Variants in RYR3 observed in about 807,000 individuals in gnomAD.
RYR3 encodes the protein ryanodine receptor 3, also known as brain ryanodine receptor-calcium release channel.
RYR3 carries 207 observed loss-of-function variants against 584.3 expected under a neutral mutation model. The ratio of observed to expected loss-of-function variants is 0.35; its 90% CI spans 0.32 to 0.40. The LOEUF (loss-of-function observed/expected upper bound fraction) is 0.40, where lower values mean the gene tolerates loss of function less well. Ranked by LOEUF, RYR3 falls within the 10% of genes least tolerant of loss-of-function variation. The pLI is 1.00. For synonymous variants in RYR3, 2,416 were observed against 2,248.5 expected (o/e 1.07, Z -2.11); for missense variants, 5,616 against 6,089.2 (o/e 0.92, Z 2.59).
At chr15:33,658,515 G>T (rs192955190) in intron 32 of RYR3, among the ~76,000 whole-genome samples, 47 of 152,334 alleles carry the variant, frequency 3.1e-4, no homozygotes, top group African/African-American at 9.9e-4. Context: ...AGTTCTAGGG[G>T]AATGATGACC....
intron 17 of RYR3, among the ~76,000 whole-genome samples, chr15:33,602,495 A>G (rs1433043839): frequency 6.6e-6 from 1 of 152,206 alleles, no homozygotes; most frequent in Non-Finnish European, 1.5e-5. Flanking sequence ...GCTTATACCA[A>G]TTGACCAAAA....
chr15:33,391,451 C>A (rs1362142284), intron 1 of RYR3, among the ~76,000 whole-genome samples: 1 of 151,818 alleles, frequency 6.6e-6, no homozygotes, highest in Admixed American at 6.6e-5. Flanking sequence ...CACGGTGAAA[C>A]CCCATCTCTA....
At chr15:33,689,223 G>A in intron 38 of RYR3, among the ~76,000 whole-genome samples, 1 of 15,300 alleles carries the variant, frequency 6.5e-5, no homozygotes, top group African/African-American at 1.8e-4. Flanking sequence ...GGCCTGTTGT[G>A]GGGTGGGGGA....
intron 64 of RYR3, among the ~76,000 whole-genome samples, chr15:33,777,789 A>G (rs374375898): frequency 1.1e-4 from 2 of 17,398 alleles, no homozygotes; most frequent in African/African-American, 4.7e-4. Context: ...AAGAAAGAGG[A>G]AAAAAAAAAA....
At chr15:33,751,604 A>C (rs1385200678) in intron 57 of RYR3, among the ~76,000 whole-genome samples, 1 of 146,716 alleles carries the variant, frequency 6.8e-6, no homozygotes, top group Non-Finnish European at 1.5e-5. Context: ...TTGTAAATTT[A>C]AGTTCCTTGT....
At chr15:33,833,579 T>C (rs1042305233) in intron 86 of RYR3, among the ~76,000 whole-genome samples, 12 of 152,258 alleles carry the variant, frequency 7.9e-5, no homozygotes, top group Non-Finnish European at 1.5e-4. Context: ...GATCATTGAA[T>C]ATATTTGATA....
chr15:33,639,679 TG>T lies in RYR3; in HGVS notation c.3556+3133del, dbSNP rs569708949. Among the ~76,000 whole-genome samples, 426 of 152,330 alleles carry T rather than the reference TG, an allele frequency of 2.8e-3. 6 individuals carry two copies. Among genetic ancestry groups the T allele is most frequent in the Middle Eastern group, 6.8e-3 (2 of 294 alleles). ...GGCCATGGGAAGCCTTTTGCCCTTT[TG>T]GGGAAGCAGTGGGGACAGATATTGT... is the stretch of plus-strand genomic sequence containing the variant. On this transcript the variant is annotated intron_variant, in intron 27 of 103. Transcript: ENST00000634891.
intron 32 of RYR3, among the ~76,000 whole-genome samples, chr15:33,659,298 C>T (rs2063006280): frequency 6.6e-6 from 1 of 152,200 alleles, no homozygotes; most frequent in Non-Finnish European, 1.5e-5. Flanking sequence ...TCCCAGTTAT[C>T]ATCTCCTATG....
chr15:33,316,909 C>T (rs1276590463), intron 1 of RYR3, among the ~76,000 whole-genome samples: 1 of 152,182 alleles, frequency 6.6e-6, no homozygotes, highest in Non-Finnish European at 1.5e-5. Context: ...TAGTGTTGGG[C>T]TCACCCCAGG....
chr15:33,557,650 T>C (rs921878249), intron 10 of RYR3, among the ~76,000 whole-genome samples: 4 of 152,188 alleles, frequency 2.6e-5, no homozygotes, highest in Non-Finnish European at 4.4e-5. Flanking sequence ...CCCAAAGTGC[T>C]GGGATTACAG....
intron 1 of RYR3, among the ~76,000 whole-genome samples, chr15:33,337,934 A>ATTTTTTTTTTTTTTTTT (rs199625940): frequency 4.4e-5 from 5 of 113,602 alleles, no homozygotes; most frequent in African/African-American, 7.2e-5. Flanking sequence ...ATTTTAGGAG[A>ATTTTTTTTTTTTTTTTT]TTTTTTTTTT....
At chr15:33,748,764 G>A (rs891642267) in intron 55 of RYR3, among the ~76,000 whole-genome samples, 1 of 152,120 alleles carries the variant, frequency 6.6e-6, no homozygotes, top group Non-Finnish European at 1.5e-5. Context: ...TGCTGACTCA[G>A]TAGGAAGCAC....
intron 57 of RYR3, among the ~76,000 whole-genome samples, chr15:33,751,616 G>A (rs572317423): frequency 3.3e-5 from 5 of 150,724 alleles, no homozygotes; most frequent in Non-Finnish European, 5.9e-5. Context: ...GTTCCTTGTA[G>A]ATTCTGGATA....
At chr15:33,652,234 T>C (rs1490059472) in intron 31 of RYR3, among the ~76,000 whole-genome samples, 1 of 152,166 alleles carries the variant, frequency 6.6e-6, no homozygotes, top group Admixed American at 6.5e-5. Context: ...AGGCCGGCCA[T>C]CCTAAGGAAT....
rs370649595 is a variant in RYR3 at position 33,749,959 on chromosome 15, C to T, written c.8200-20C>T. On this transcript the variant is annotated intron_variant, in intron 55 of 103. Transcript: ENST00000634891. ...CCTGCTTTCTTTCTTTTTGACTTGG[C>T]TCTTCTTGGTGGGACACAGGGAATG... 107 of 1,606,870 alleles carry T rather than the reference C, an allele frequency of 6.7e-5. No homozygotes were observed. The highest frequency in any genetic ancestry group is 8.7e-5 in the Non-Finnish European group (102 of 1,177,020).
In RYR3 at chr15:33,823,030, C is replaced by G; in HGVS notation, c.11030C>G (p.Ala3677Gly). The G allele has an allele frequency of 6.2e-7, 1 of 1,613,562 alleles. No individual in the cohort carries two copies. The highest frequency in any genetic ancestry group is 8.5e-7 in the Non-Finnish European group (1 of 1,179,666). ...MLDYLKEKKD[A>G]GFFQSLSGLM... ...GATTACCTAAAGGAGAAAAAGGATG[C>G]TGGATTCTTTCAAAGCCTTTCTGGT... Residue 3677 changes from alanine to glycine, a missense_variant, in exon 81 of 104, where the codon GCT becomes GGT. By Grantham distance (60) the Ala-to-Gly change is moderately conservative. Transcript: ENST00000634891.
intron 57 of RYR3, among the ~76,000 whole-genome samples, chr15:33,751,064 T>G (rs936197933): frequency 2.0e-5 from 3 of 152,244 alleles, no homozygotes; most frequent in Non-Finnish European, 4.4e-5. Context: ...GGACATGAAC[T>G]CATCCTTTTT....
chr15:33,505,161 T>C (rs374081997), intron 3 of RYR3, among the ~76,000 whole-genome samples: 2 of 152,328 alleles, frequency 1.3e-5, no homozygotes, highest in East Asian at 3.9e-4. Flanking sequence ...CAATTGACCA[T>C]AGAATCAAGA....
intron 60 of RYR3, among the ~76,000 whole-genome samples, chr15:33,765,105 T>C (rs2072901558): frequency 6.9e-6 from 1 of 145,488 alleles, no homozygotes; most frequent in African/African-American, 2.5e-5. Context: ...TAAAACAACA[T>C]AATTCAATTT....
Sources: gnomAD v4.1 joint callset for allele counts (sites outside exome capture counted in the v4.1 genomes callset) on GRCh38, gnomAD v4.1.1 for gene constraint, MANE v1.5 for transcripts, NCBI Gene and HGNC (gene_info 2026-07-23, HGNC 2026-07-21) for gene names.